NCAM2: variants seen among roughly 807,000 people sequenced by gnomAD.
NCAM2 encodes the protein neural cell adhesion molecule 2.
A neutral mutation model predicts 98.1 loss-of-function variants in NCAM2; 30 were observed. The ratio of observed to expected loss-of-function variants is 0.31; its 90% CI spans 0.23 to 0.41. NCAM2 has a LOEUF of 0.41. Among genes scored for constraint, NCAM2 ranks in the 10% least tolerant of loss-of-function variants. The probability of loss-of-function intolerance (pLI) is 1.00; values close to 1 mark genes in which losing one functional copy is unlikely to be tolerated. For missense variants in NCAM2, 867 were observed against 1,005.8 expected (o/e 0.86, Z 1.87); for synonymous variants, 368 against 342.4 (o/e 1.07, Z -0.83).
chr21:21,063,944 A>T, intron 1 of NCAM2, among the ~76,000 whole-genome samples: 1 of 152,348 alleles, frequency 6.6e-6, no homozygotes, highest in African/African-American at 2.4e-5. Context: ...TTTCTTGATA[A>T]CAGCCAAGGA....
chr21:21,453,050 TA>T (rs1192266896), intron 12 of NCAM2, among the ~76,000 whole-genome samples: 14 of 119,972 alleles, frequency 1.2e-4, no homozygotes, highest in Non-Finnish European at 2.3e-4. Context: ...TATACATATA[TA>T]AAAATATAAA....
intron 8 of NCAM2, among the ~76,000 whole-genome samples, chr21:21,364,020 G>A (rs906287521): frequency 1.3e-5 from 2 of 151,966 alleles, no homozygotes; most frequent in African/African-American, 4.8e-5. Context: ...TTCATGGAGG[G>A]TTGCTTTACA....
rs75957260 is a variant in NCAM2 at position 21,145,150 on chromosome 21, T to C, written c.56-135428T>C. ...CAAATTTTTCATGGTTTCTTACCAT[T>C]TAAAAACAAGAAAACCTCTGACAAT... On this transcript the variant is annotated intron_variant, in intron 1 of 17. Coordinates refer to ENST00000400546, the MANE Select transcript of NCAM2 (RefSeq NM_004540.5). Among the ~76,000 whole-genome samples, 14 of 152,224 alleles carry C rather than the reference T, an allele frequency of 9.2e-5. No individual in the cohort carries two copies. In the East Asian group the frequency reaches 2.5e-3, roughly 27 times the overall value.
rs933907512 is a variant in NCAM2 at position 21,354,555 on chromosome 21, G to A, written c.1044+16021G>A. ...TTTCAAAATATTACCTAACCTCAGC[G>A]TATCCACCCTCCCCCAGTGGTTCAC... On this transcript the variant is annotated intron_variant, in intron 8 of 17. Transcript: ENST00000400546. Among the ~76,000 whole-genome samples the A allele has an allele frequency of 5.3e-5, 8 of 152,104 alleles. No individual in the cohort carries two copies. The South Asian group carries it at 6.2e-4, about 12-fold the overall frequency.
chr21:21,350,949 G>A (rs1351126499), intron 8 of NCAM2, among the ~76,000 whole-genome samples: 7 of 136,496 alleles, frequency 5.1e-5, no homozygotes, highest in East Asian at 2.3e-4. Flanking sequence ...AAAAAAAAAA[G>A]GAGAGAAAAG....
At chr21:21,027,097 A>G (rs1240929739) in intron 1 of NCAM2, among the ~76,000 whole-genome samples, 2 of 152,056 alleles carry the variant, frequency 1.3e-5, no homozygotes, top group Non-Finnish European at 2.9e-5. Flanking sequence ...ACCTTAAATG[A>G]TTCACCTGCC....
intron 1 of NCAM2, among the ~76,000 whole-genome samples, chr21:21,009,533 G>T (rs2064168785): frequency 1.3e-5 from 2 of 151,778 alleles, no homozygotes; most frequent in Admixed American, 6.6e-5. Context: ...TACAGTTGGG[G>T]TCTCAAAACT....
rs577106804 is a variant in NCAM2, at chr21:21,094,090, A to G, written c.55+95472A>G. 4.9e-4 allele frequency among the ~76,000 whole-genome samples: 75 copies of G among 152,090 alleles called. 1 individual carries two copies. In the South Asian group the frequency reaches 0.013, roughly 27 times the overall value. On this transcript the variant is annotated intron_variant, in intron 1 of 17. Coordinates refer to ENST00000400546, the MANE Select transcript of NCAM2 (RefSeq NM_004540.5). ...GATCCAGTGTCTCATTTTGACACAA[A>G]TTGTGTACTTAATCTTGATTATATA...
chr21:21,113,465 A>G (rs2146535218), intron 1 of NCAM2, among the ~76,000 whole-genome samples: 1 of 152,336 alleles, frequency 6.6e-6, no homozygotes, highest in South Asian at 2.1e-4. Flanking sequence ...TCTGTGGCAA[A>G]CAGATACAAT....
intron 9 of NCAM2, among the ~76,000 whole-genome samples, chr21:21,392,959 C>A (rs2076412878): frequency 6.6e-6 from 1 of 151,594 alleles, no homozygotes; most frequent in Non-Finnish European, 1.5e-5. Flanking sequence ...TTTAATTATA[C>A]CCCGTCAATT....
intron 1 of NCAM2, among the ~76,000 whole-genome samples, chr21:21,002,250 G>A (rs1184891450): frequency 6.6e-6 from 1 of 152,124 alleles, no homozygotes; most frequent in East Asian, 1.9e-4. Flanking sequence ...AGCCCATAGA[G>A]CAAGAAGGGA....
At chr21:21,138,490 C>T (rs1359480884) in intron 1 of NCAM2, among the ~76,000 whole-genome samples, 1 of 151,986 alleles carries the variant, frequency 6.6e-6, no homozygotes, top group Non-Finnish European at 1.5e-5. Context: ...TTGCCTACTA[C>T]ACAGTAGGAA....
intron 1 of NCAM2, among the ~76,000 whole-genome samples, chr21:21,012,941 TAATC>T (rs1156895546): frequency 2.6e-5 from 4 of 152,178 alleles, no homozygotes; most frequent in Non-Finnish European, 5.9e-5. Flanking sequence ...ATGACAAACT[TAATC>T]AATTTATAAG....
intron 12 of NCAM2, among the ~76,000 whole-genome samples, chr21:21,433,559 G>A (rs1356498165): frequency 2.0e-5 from 3 of 151,092 alleles, no homozygotes; most frequent in Non-Finnish European, 4.4e-5. Context: ...CTAACATGGC[G>A]AAACCCTGTC....
chr21:21,114,009 A>C (rs1416452272), intron 1 of NCAM2, among the ~76,000 whole-genome samples: 1 of 152,174 alleles, frequency 6.6e-6, no homozygotes, highest in African/African-American at 2.4e-5. Flanking sequence ...CATGAGTCAT[A>C]ATCAATTTTG....
At chr21:21,291,857 T>TCA (rs2073308387) in intron 4 of NCAM2, among the ~76,000 whole-genome samples, 2 of 151,194 alleles carry the variant, frequency 1.3e-5, no homozygotes, top group South Asian at 4.2e-4. Context: ...CCATTTTATG[T>TCA]GGATATAAAG....
chr21:21,462,066 T>C (rs1314694101), intron 12 of NCAM2, among the ~76,000 whole-genome samples: 1 of 152,102 alleles, frequency 6.6e-6, no homozygotes, highest in Non-Finnish European at 1.5e-5. Flanking sequence ...TCAAAAGCTT[T>C]TTTAAGTGAG....
chr21:21,185,781 T>A (rs895829775), intron 1 of NCAM2, among the ~76,000 whole-genome samples: 1 of 152,188 alleles, frequency 6.6e-6, no homozygotes, highest in African/African-American at 2.4e-5. Flanking sequence ...ATAAATTTAC[T>A]GTGCAGTAAT....
At chr21:20,998,645 T>C (rs1692550068) in intron 1 of NCAM2, 27 bp downstream of exon 1, 2 of 1,609,618 alleles carry the variant, frequency 1.2e-6, no homozygotes, top group South Asian at 1.1e-5. Flanking sequence ...TTATTGCATT[T>C]ACTTTCCCTC....
Sources: allele counts gnomAD v4.1 joint callset (sites outside exome capture counted in the v4.1 genomes callset), GRCh38; gene constraint gnomAD v4.1.1; transcripts MANE v1.5; gene names NCBI Gene and HGNC (gene_info 2026-07-23, HGNC 2026-07-21).